Variants in LRRTM4 observed in about 807,000 individuals in gnomAD.
LRRTM4 encodes the protein leucine-rich repeat transmembrane neuronal protein 4.
In LRRTM4, 25 loss-of-function variants were observed where a neutral mutation model predicts 47.6. The ratio of observed to expected loss-of-function variants is 0.53; its 90% CI spans 0.38 to 0.73. The LOEUF is 0.73. LRRTM4 is among the 30% of genes least tolerant of loss of function. The pLI, the probability that LRRTM4 is intolerant of heterozygous loss-of-function variation, is 0.00. For synonymous variants in LRRTM4, 311 were observed against 269.5 expected (o/e 1.15, Z -1.51); for missense variants, 638 against 713.4 (o/e 0.89, Z 1.20).
intron 3 of LRRTM4, among the ~76,000 whole-genome samples, chr2:76,803,250 C>CA (rs1214467398): frequency 6.6e-6 from 1 of 151,848 alleles, no homozygotes; most frequent in Non-Finnish European, 1.5e-5. Context: ...CACTCAATAG[C>CA]AAAAAACAAA....
intron 3 of LRRTM4, among the ~76,000 whole-genome samples, chr2:76,786,281 T>A (rs1426429794): frequency 6.6e-6 from 1 of 152,048 alleles, no homozygotes; most frequent in Non-Finnish European, 1.5e-5. Flanking sequence ...AATTTAAGTT[T>A]GAAAATGGCG....
chr2:77,287,661 A>G (rs1437910356), intron 3 of LRRTM4, among the ~76,000 whole-genome samples: 1 of 152,056 alleles, frequency 6.6e-6, no homozygotes, highest in African/African-American at 2.4e-5. Flanking sequence ...TTTATCCACT[A>G]CAGAGTGGAT....
chr2:77,089,858 G>C (rs1680870862), intron 3 of LRRTM4, among the ~76,000 whole-genome samples: 2 of 152,064 alleles, frequency 1.3e-5, no homozygotes, highest in Non-Finnish European at 2.9e-5. Context: ...CGTAAAATAG[G>C]CAAACGGTCT....
chr2:77,415,506 T>G (rs1674602980), intron 3 of LRRTM4, among the ~76,000 whole-genome samples: 1 of 152,182 alleles, frequency 6.6e-6, no homozygotes, highest in Non-Finnish European at 1.5e-5. Context: ...TTAAATTATT[T>G]AAAAGTATAT....
chr2:76,776,683 G>A (rs1415181739), intron 3 of LRRTM4, among the ~76,000 whole-genome samples: 31 of 146,984 alleles, frequency 2.1e-4, no homozygotes, highest in African/African-American at 4.0e-4. Context: ...AGTAGGTTGC[G>A]AAAATTTTCT....
chr2:77,171,240 G>A (rs1262630476), intron 3 of LRRTM4, among the ~76,000 whole-genome samples: 1 of 151,880 alleles, frequency 6.6e-6, no homozygotes, highest in Non-Finnish European at 1.5e-5. Flanking sequence ...CTGACAATTT[G>A]CTTTATGTTT....
chr2:76,843,893 ATTTC>A (rs1308827929), intron 3 of LRRTM4, among the ~76,000 whole-genome samples: 13 of 150,176 alleles, frequency 8.7e-5, no homozygotes, highest in Admixed American at 4.0e-4. Flanking sequence ...ATTAATGATA[ATTTC>A]TTTCTTTTTT....
chr2:77,347,130 C>A (rs920217975), intron 3 of LRRTM4, among the ~76,000 whole-genome samples: 1 of 152,154 alleles, frequency 6.6e-6, no homozygotes, highest in Non-Finnish European at 1.5e-5. Context: ...AACACTTACA[C>A]GCCTTGACAA....
At chr2:76,863,972 C>T (rs1672393580) in intron 3 of LRRTM4, among the ~76,000 whole-genome samples, 1 of 152,164 alleles carries the variant, frequency 6.6e-6, no homozygotes, top group Non-Finnish European at 1.5e-5. Context: ...TAAAAAGATT[C>T]AGACTATAAG....
chr2:76,938,405 A>G (rs2103854523), intron 3 of LRRTM4, among the ~76,000 whole-genome samples: 1 of 152,292 alleles, frequency 6.6e-6, no homozygotes, highest in East Asian at 1.9e-4. Context: ...TTAAAATTTT[A>G]AATCAAATTA....
chr2:77,497,904 G>C (rs547338708), intron 3 of LRRTM4, among the ~76,000 whole-genome samples: 28 of 151,688 alleles, frequency 1.8e-4, no homozygotes, highest in African/African-American at 6.8e-4. Flanking sequence ...GTCAGACTAT[G>C]TAATGTCCTA....
chr2:77,282,368 A>T (rs2104102919), intron 3 of LRRTM4, among the ~76,000 whole-genome samples: 1 of 151,988 alleles, frequency 6.6e-6, no homozygotes, highest in African/African-American at 2.4e-5. Flanking sequence ...TGGGCATAGA[A>T]TCATATTATC....
At chr2:77,025,898 T>A (rs564675242) in intron 3 of LRRTM4, among the ~76,000 whole-genome samples, 30 of 152,254 alleles carry the variant, frequency 2.0e-4, no homozygotes, top group Middle Eastern at 3.4e-3. Flanking sequence ...TTCAAAGAGA[T>A]TGAAGTCAAT....
At chr2:77,454,812 A>G (rs1278938750) in intron 3 of LRRTM4, among the ~76,000 whole-genome samples, 1 of 152,198 alleles carries the variant, frequency 6.6e-6, no homozygotes, top group Non-Finnish European at 1.5e-5. Context: ...ATGATGCCCA[A>G]TCAATATGTG....
intron 3 of LRRTM4, among the ~76,000 whole-genome samples, chr2:77,084,795 G>A (rs1680655706): frequency 6.6e-6 from 1 of 152,166 alleles, no homozygotes; most frequent in Non-Finnish European, 1.5e-5. Context: ...CTGCATAGAT[G>A]AAGATATACA....
intron 3 of LRRTM4, among the ~76,000 whole-genome samples, chr2:77,104,219 C>T (rs1386314612): frequency 6.6e-6 from 1 of 152,118 alleles, no homozygotes; most frequent in Non-Finnish European, 1.5e-5. Flanking sequence ...GAGTCTGTGT[C>T]ATCTTCAGTC....
At chr2:77,295,484 T>C (rs1193923022) in intron 3 of LRRTM4, among the ~76,000 whole-genome samples, 1 of 152,164 alleles carries the variant, frequency 6.6e-6, no homozygotes, top group African/African-American at 2.4e-5. Context: ...AAGGAAGATA[T>C]TGGAAAATTG....
chr2:76,749,230 A>T (rs565839055), intron 3 of LRRTM4, among the ~76,000 whole-genome samples: 19 of 152,304 alleles, frequency 1.2e-4, no homozygotes, highest in African/African-American at 4.1e-4. Flanking sequence ...AAAATTGATT[A>T]TGTAGATCCT....
chr2:77,139,817 A>C (rs986633745), intron 3 of LRRTM4, among the ~76,000 whole-genome samples: 3 of 151,982 alleles, frequency 2.0e-5, no homozygotes, highest in Non-Finnish European at 4.4e-5. Context: ...ACAAGCATTC[A>C]TATACACCAA....
Sources: allele counts gnomAD v4.1 joint callset (sites outside exome capture counted in the v4.1 genomes callset), GRCh38; gene constraint gnomAD v4.1.1; transcripts MANE v1.5; gene names NCBI Gene and HGNC (gene_info 2026-07-23, HGNC 2026-07-21).